Variants in PAMR1 observed in about 807,000 individuals in gnomAD.
The protein encoded by PAMR1 is inactive serine protease PAMR1.
A neutral mutation model predicts 81.8 loss-of-function variants in PAMR1; 88 were observed. That is an observed-to-expected ratio of 1.08 (90% CI 0.91 to 1.28). PAMR1 has a LOEUF of 1.28. Among genes scored for constraint, PAMR1 ranks in the 50% most tolerant of loss-of-function variants. The pLI is 0.00. For missense variants in PAMR1, 935 were observed against 919.7 expected (o/e 1.02, Z -0.21); for synonymous variants, 336 against 345.3 (o/e 0.97, Z 0.30).
At chr11:35,478,695 C>A (rs1850326373) in intron 3 of PAMR1, among the ~76,000 whole-genome samples, 2 of 152,272 alleles carry the variant, frequency 1.3e-5, no homozygotes, top group African/African-American at 4.8e-5. Context: ...AGCTGAGTGT[C>A]CCTGCCAAGG....
chr11:35,514,539 T>G (rs2421956), intron 1 of PAMR1, among the ~76,000 whole-genome samples: 1 of 152,144 alleles, frequency 6.6e-6, no homozygotes, highest in East Asian at 1.9e-4. Context: ...AGCTTGAAGG[T>G]GCCCCCAGTT....
At chr11:35,520,413 A>C (rs1030221036) in intron 1 of PAMR1, among the ~76,000 whole-genome samples, 1 of 152,120 alleles carries the variant, frequency 6.6e-6, no homozygotes, top group Non-Finnish European at 1.5e-5. Context: ...TGAATTTTTT[A>C]CTTCTTTCTC....
intron 1 of PAMR1, among the ~76,000 whole-genome samples, chr11:35,519,775 A>G (rs1054777001): frequency 1.3e-5 from 2 of 152,128 alleles, no homozygotes; most frequent in Non-Finnish European, 2.9e-5. Context: ...ATAATCAGAC[A>G]CCCTTACTAA....
intron 6 of PAMR1, among the ~76,000 whole-genome samples, chr11:35,449,921 A>G (rs1714139275): frequency 6.6e-6 from 1 of 151,732 alleles, no homozygotes; most frequent in South Asian, 2.1e-4. Flanking sequence ...GGTCATGACA[A>G]CCACCTAGTC....
At chr11:35,508,270 T>C (rs188614772) in intron 1 of PAMR1, among the ~76,000 whole-genome samples, 87 of 152,142 alleles carry the variant, frequency 5.7e-4, no homozygotes, top group African/African-American at 2.0e-3. Flanking sequence ...CAGAAGAAAA[T>C]TTTCAACATG....
At chr11:35,524,305 G>T (rs1851343579) in intron 1 of PAMR1, among the ~76,000 whole-genome samples, 1 of 152,184 alleles carries the variant, frequency 6.6e-6, no homozygotes, top group South Asian at 2.1e-4. Context: ...CATTAAGGAA[G>T]ATCCTACCTG....
At chr11:35,446,468 G>T (rs1174236975) in intron 6 of PAMR1, among the ~76,000 whole-genome samples, 23 of 151,402 alleles carry the variant, frequency 1.5e-4, no homozygotes, top group Admixed American at 1.5e-3. Context: ...TTTGATGTGG[G>T]CATTTAGTGC....
chr11:35,525,439 C>A, intron 1 of PAMR1, 74 bp downstream of exon 1: 1 of 1,277,472 alleles, frequency 7.8e-7, no homozygotes, highest in Non-Finnish European at 1.1e-6. Context: ...GTCCTGCTCC[C>A]AGGCAGACCC....
intron 6 of PAMR1, among the ~76,000 whole-genome samples, chr11:35,455,611 T>C (rs1349669632): frequency 6.6e-6 from 1 of 152,174 alleles, no homozygotes; most frequent in Non-Finnish European, 1.5e-5. Context: ...AAAAAGCCCC[T>C]AGAAGCCAAA....
At chr11:35,497,508 C>T (rs143196594) in intron 1 of PAMR1, among the ~76,000 whole-genome samples, 56 of 152,254 alleles carry the variant, frequency 3.7e-4, no homozygotes, top group African/African-American at 1.3e-3. Flanking sequence ...TGCACAATCA[C>T]AGGAATCTAA....
chr11:35,509,930 T>A (rs1851042414), intron 1 of PAMR1, among the ~76,000 whole-genome samples: 1 of 152,164 alleles, frequency 6.6e-6, no homozygotes, highest in Non-Finnish European at 1.5e-5. Context: ...ACCTTGTCGG[T>A]GCTTCCCAAT....
intron 1 of PAMR1, among the ~76,000 whole-genome samples, chr11:35,522,601 G>A (rs1166390264): frequency 6.6e-6 from 1 of 152,114 alleles, no homozygotes; most frequent in African/African-American, 2.4e-5. Context: ...ATGGACATTC[G>A]GGTTGTTTCC....
chr11:35,444,138 A>C (rs1365879676), intron 6 of PAMR1, among the ~76,000 whole-genome samples: 2 of 152,220 alleles, frequency 1.3e-5, no homozygotes, highest in African/African-American at 4.8e-5. Flanking sequence ...TACTGGTACA[A>C]AACCAGTACC....
intron 1 of PAMR1, among the ~76,000 whole-genome samples, chr11:35,504,830 GCTCTT>G (rs1271757092): frequency 2.0e-5 from 3 of 150,786 alleles, no homozygotes; most frequent in Admixed American, 6.6e-5. Context: ...TTGTTTCATT[GCTCTT>G]CTTAATTTTT....
rs777940420 is a variant in PAMR1 at position 35,432,769 on chromosome 11, TG to T, written c.1749del (p.Ser584ValfsTer24). 2.5e-6 allele frequency: 4 copies of T among 1,613,214 alleles called. No individual in the cohort carries two copies. In the African/African-American group the frequency reaches 4.0e-5, roughly 16 times the overall value. ...TGGAAGGAAGTGCTGAGATCCCGAC[TG>T]GCAGCGAGGCAGATGGGCTGGACTC... Reference protein sequence around the residue: ...STRVQPICLAASRDLSTSFQE... With the variant: ...STRVQPICLAXSRDLSTSFQE... On this transcript the variant is annotated frameshift_variant, in exon 11 of 11. Transcript: ENST00000619888. LOFTEE classifies it high-confidence loss of function.
intron 6 of PAMR1, among the ~76,000 whole-genome samples, chr11:35,463,338 C>T (rs776018010): frequency 1.3e-5 from 2 of 152,162 alleles, no homozygotes; most frequent in Non-Finnish European, 2.9e-5. Context: ...TGCTCCAAGG[C>T]GTGTCAGAGC....
intron 3 of PAMR1, among the ~76,000 whole-genome samples, chr11:35,484,109 C>A (rs1565347091): frequency 6.6e-6 from 1 of 152,130 alleles, no homozygotes; most frequent in Non-Finnish European, 1.5e-5. Flanking sequence ...TACTATATAC[C>A]AGACTCTATC....
Position 35,441,507 on chromosome 11 carries a change from G to T in PAMR1, c.1007C>A (p.Ser336Ter). ...TTTTATGCAGATGGGCTGTTTCCCT[G>T]ACCACTCTCCATTCTGCTGGCAAGT... ...KRTCQQNGEW[S>*]GKQPICIKAC... Residue 336 changes from serine to a stop codon, truncating the protein, a stop_gained, in exon 7 of 11, where the codon TCA (serine) becomes TAA (stop). Coordinates refer to ENST00000619888, the MANE Select transcript of PAMR1 (RefSeq NM_001001991.3). LOFTEE classifies it high-confidence loss of function. 1 of 1,612,834 alleles carries T rather than the reference G, an allele frequency of 6.2e-7. No homozygotes were observed. Among genetic ancestry groups the T allele is most frequent in the South Asian group, 1.1e-5 (1 of 91,018 alleles).
rs575263433 is a variant in PAMR1 at position 35,467,852 on chromosome 11, G to A, written c.820+149C>T. ...GACTCAGAAGCAGCTATGCCCCTCT[G>A]AGAATCACTCACTGGGAGTATCCAC... is the stretch of plus-strand genomic sequence containing the variant. On this transcript the variant is annotated intron_variant, in intron 6 of 10. Coordinates refer to ENST00000619888, the MANE Select transcript of PAMR1 (RefSeq NM_001001991.3). 15 of 489,176 alleles carry A rather than the reference G, an allele frequency of 3.1e-5. 1 individual carries two copies. The highest frequency in any genetic ancestry group is 5.8e-5 in the African/African-American group (3 of 51,518). 30.3% of individuals were successfully genotyped at this position (489,176 alleles called of 1,614,324 possible).
Sources: allele counts gnomAD v4.1 joint callset (sites outside exome capture counted in the v4.1 genomes callset), GRCh38; gene constraint gnomAD v4.1.1; transcripts MANE v1.5; gene names NCBI Gene and HGNC (gene_info 2026-07-23, HGNC 2026-07-21).